The following FER variants were observed in gnomAD, a reference collection of about 807,000 sequenced individuals.
FER encodes the protein FER tyrosine kinase, also known as tyrosine-protein kinase Fer.
In FER, 63 loss-of-function variants were observed where a neutral mutation model predicts 111.0. That is an observed-to-expected ratio of 0.57 (90% CI 0.46 to 0.70). The LOEUF (loss-of-function observed/expected upper bound fraction) is 0.70. FER is among the 30% of genes least tolerant of loss of function. The pLI is 0.00. For synonymous variants in FER, 327 were observed against 313.9 expected (o/e 1.04, Z -0.44); for missense variants, 914 against 954.0 (o/e 0.96, Z 0.55).
At position 109,188,266 on chromosome 5, in the gene FER, ATTACAGGCGTG is replaced by A. The variant is rs1759096810; in HGVS notation, c.*692_*702del. 2.8e-5 allele frequency: 4 copies of A among 142,420 alleles called. No individual in the cohort carries two copies. The highest frequency in any genetic ancestry group is 1.0e-4 in the African/African-American group (4 of 39,302). 8.8% of individuals were successfully genotyped at this position (142,420 alleles called of 1,614,324 possible). On this transcript the variant is annotated 3_prime_UTR_variant, in exon 20 of 20. Transcript: ENST00000281092. Reference sequence around the variant, plus strand: ...CCAGGCATGTAATCTCATGCCTGGGATTACAGGCGTGAGCCACAGTGCCCAGCCCCCTCCCT... The same window carrying A: ...CCAGGCATGTAATCTCATGCCTGGGAAGCCACAGTGCCCAGCCCCCTCCCT...
At chr5:108,774,143 A>G (rs1266516116) in intron 2 of FER, among the ~76,000 whole-genome samples, 2 of 151,960 alleles carry the variant, frequency 1.3e-5, no homozygotes, top group Non-Finnish European at 2.9e-5. Context: ...ATGAGTGAGA[A>G]CGTGGGATGT....
At chr5:109,168,092 T>G (rs1223148665) in intron 17 of FER, among the ~76,000 whole-genome samples, 1 of 152,158 alleles carries the variant, frequency 6.6e-6, no homozygotes, top group Non-Finnish European at 1.5e-5. Context: ...GTGGCCTCAC[T>G]TTAGGAGACA....
At chr5:109,122,512 A>G (rs920534801) in intron 17 of FER, among the ~76,000 whole-genome samples, 6 of 130,418 alleles carry the variant, frequency 4.6e-5, no homozygotes, top group Non-Finnish European at 1.0e-4. Flanking sequence ...AGAATGATCC[A>G]TGTGCTGAGA....
chr5:108,890,404 GGTGTTGGCA>G (rs143991230), intron 9 of FER, among the ~76,000 whole-genome samples: 1 of 152,058 alleles, frequency 6.6e-6, no homozygotes, highest in East Asian at 1.9e-4. Context: ...TATGTAATGA[GGTGTTGGCA>G]GTGTTGGTTC....
At chr5:108,920,275 C>T (rs1752852129) in intron 10 of FER, among the ~76,000 whole-genome samples, 1 of 152,052 alleles carries the variant, frequency 6.6e-6, no homozygotes, top group African/African-American at 2.4e-5. Context: ...AGTTATCACC[C>T]TGCAACTTGG....
intron 13 of FER, among the ~76,000 whole-genome samples, chr5:109,003,269 A>G (rs562151693): frequency 4.6e-5 from 7 of 152,318 alleles, no homozygotes; most frequent in Non-Finnish European, 8.8e-5. Context: ...CATATACACC[A>G]TGTAATACTA....
At chr5:109,110,584 T>A (rs1444452639) in intron 17 of FER, among the ~76,000 whole-genome samples, 3 of 152,142 alleles carry the variant, frequency 2.0e-5, no homozygotes, top group Non-Finnish European at 4.4e-5. Flanking sequence ...GTGGGGGTAA[T>A]TGATGGCAAT....
chr5:108,899,309 A>G (rs982192930), intron 10 of FER, among the ~76,000 whole-genome samples: 9 of 152,172 alleles, frequency 5.9e-5, no homozygotes, highest in Admixed American at 4.6e-4. Context: ...ATCTCAGCAC[A>G]TGTACCAAGG....
At chr5:108,829,208 C>G (rs1759786661) in intron 3 of FER, among the ~76,000 whole-genome samples, 2 of 152,204 alleles carry the variant, frequency 1.3e-5, no homozygotes, top group Non-Finnish European at 2.9e-5. Flanking sequence ...TTGTGACTTT[C>G]AACCATTCCT....
At chr5:109,051,393 T>G in intron 16 of FER, 1 of 1,612,548 alleles carries the variant, frequency 6.2e-7, no homozygotes, top group Non-Finnish European at 8.5e-7. Context: ...CCACAATGGC[T>G]AGTGGCTGTA....
At chr5:109,111,446 T>C (rs552256759) in intron 17 of FER, among the ~76,000 whole-genome samples, 9 of 152,284 alleles carry the variant, frequency 5.9e-5, no homozygotes, top group African/African-American at 1.9e-4. Context: ...ATGAACTCTA[T>C]TGTATAGATT....
At chr5:109,099,218 A>G (rs1747905955) in intron 16 of FER, among the ~76,000 whole-genome samples, 1 of 151,570 alleles carries the variant, frequency 6.6e-6, no homozygotes, top group East Asian at 1.9e-4. Flanking sequence ...AAAAAGAAAA[A>G]TAAGCCAAAG....
intron 10 of FER, among the ~76,000 whole-genome samples, chr5:108,909,244 GGT>G (rs1751214844): frequency 6.6e-6 from 1 of 152,088 alleles, no homozygotes; most frequent in Non-Finnish European, 1.5e-5. Flanking sequence ...TGCTTCATTT[GGT>G]ACCAGATGAA....
intron 16 of FER, among the ~76,000 whole-genome samples, chr5:109,078,620 T>C (rs1023041412): frequency 6.6e-6 from 1 of 152,164 alleles, no homozygotes; most frequent in Non-Finnish European, 1.5e-5. Context: ...CAATGAGAAG[T>C]TGATCAACTG....
chr5:108,845,017 T>TATATAC (rs1761798372), intron 5 of FER, among the ~76,000 whole-genome samples: 3 of 52,218 alleles, frequency 5.7e-5, no homozygotes, highest in Non-Finnish European at 7.5e-5. Context: ...TATATATATA[T>TATATAC]ATATATATAT....
In FER at chr5:109,190,251, T is replaced by C. The variant is rs183637222; in HGVS notation, c.*2676T>C. 319 of 152,218 alleles carry C rather than the reference T, an allele frequency of 2.1e-3. 1 individual carries two copies. Among genetic ancestry groups the C allele is most frequent in the African/African-American group, 7.3e-3 (304 of 41,540 alleles). 9.4% of individuals were successfully genotyped at this position (152,218 alleles called of 1,614,324 possible). A position where few individuals can be genotyped will look rare whatever the true frequency, so the allele number is the denominator to read the frequency against. On this transcript the variant is annotated 3_prime_UTR_variant, in exon 20 of 20. Coordinates refer to ENST00000281092, the MANE Select transcript of FER (RefSeq NM_005246.4). ...GTAGGGAAAGGAAGATTCAGAAATG[T>C]ACAAAATCCTGTGATTTGTTTAGTA...
chr5:108,767,225 A>T (rs1170562505), intron 1 of FER, among the ~76,000 whole-genome samples: 3 of 152,012 alleles, frequency 2.0e-5, no homozygotes, highest in Non-Finnish European at 4.4e-5. Flanking sequence ...AATCACTTGA[A>T]CCCAGGAGGT....
intron 17 of FER, among the ~76,000 whole-genome samples, chr5:109,144,993 A>G (rs1753919303): frequency 6.6e-6 from 1 of 151,758 alleles, no homozygotes; most frequent in Non-Finnish European, 1.5e-5. Flanking sequence ...CTGTTTTTCA[A>G]GGTCAAAAAA....
At chr5:108,912,193 T>C (rs775870096) in intron 10 of FER, among the ~76,000 whole-genome samples, 1 of 152,192 alleles carries the variant, frequency 6.6e-6, no homozygotes, top group Non-Finnish European at 1.5e-5. Context: ...GGTATGTCTT[T>C]ATTAGCAGTG....
Sources: gnomAD v4.1 joint callset for allele counts (sites outside exome capture counted in the v4.1 genomes callset) on GRCh38, gnomAD v4.1.1 for gene constraint, MANE v1.5 for transcripts, NCBI Gene and HGNC (gene_info 2026-07-23, HGNC 2026-07-21) for gene names.